EYA1: variants seen among roughly 807,000 people sequenced by gnomAD.
EYA1 encodes EYA transcriptional coactivator and phosphatase 1, also known as protein phosphatase EYA1.
In EYA1, 16 loss-of-function variants were observed where a neutral mutation model predicts 82.0. That is an observed-to-expected ratio of 0.20 (90% CI 0.13 to 0.30). EYA1 has a LOEUF of 0.30. Among genes scored for constraint, EYA1 ranks in the 10% least tolerant of loss-of-function variants. The pLI, the probability that EYA1 is intolerant of heterozygous loss-of-function variation, is 1.00. For synonymous variants in EYA1, 261 were observed against 264.4 expected (o/e 0.99, Z 0.12); for missense variants, 633 against 730.7 (o/e 0.87, Z 1.54).
At chr8:71,290,963 T>C (rs140664482) in intron 9 of EYA1, among the ~76,000 whole-genome samples, 2 of 152,340 alleles carry the variant, frequency 1.3e-5, no homozygotes, top group African/African-American at 2.4e-5. Context: ...TTAGTTAAAA[T>C]TGTTTTGCTG....
intron 1 of EYA1, among the ~76,000 whole-genome samples, chr8:71,537,967 G>T (rs1326427553): frequency 6.6e-6 from 1 of 152,202 alleles, no homozygotes; most frequent in Non-Finnish European, 1.5e-5. Context: ...AAAACAGTCA[G>T]CATTCATCGA....
rs543126669 is a variant in EYA1 at position 71,377,631 on chromosome 8, C to T, written c.34-21120G>A. On this transcript the variant is annotated intron_variant, in intron 2 of 18. Transcript: ENST00000643681. ...ATTTTACACATTTTTAAGCATGCAG[C>T]TCTGTGTCATGAAATACACTCACAT... Among the ~76,000 whole-genome samples, 8 of 152,254 alleles carry T rather than the reference C, an allele frequency of 5.3e-5. No homozygotes were observed. The South Asian group carries it at 1.2e-3, about 24-fold the overall frequency.
At chr8:71,250,876 G>A (rs1308712273) in intron 11 of EYA1, among the ~76,000 whole-genome samples, 1 of 152,128 alleles carries the variant, frequency 6.6e-6, no homozygotes, top group Non-Finnish European at 1.5e-5. Context: ...TAATTCCAGT[G>A]AAGAAAAGAA....
intron 2 of EYA1, among the ~76,000 whole-genome samples, chr8:71,460,669 A>T (rs1481572788): frequency 6.6e-6 from 1 of 152,230 alleles, no homozygotes; most frequent in Non-Finnish European, 1.5e-5. Flanking sequence ...AGTGTTTCAA[A>T]AAGTGCACAT....
At chr8:71,512,450 C>T (rs1180506978) in intron 2 of EYA1, among the ~76,000 whole-genome samples, 1 of 149,956 alleles carries the variant, frequency 6.7e-6, no homozygotes, top group Admixed American at 6.6e-5. Flanking sequence ...TGATAAAAAG[C>T]GAGCAAGCAA....
chr8:71,362,839 T>C (rs1827516884), upstream of EYA1, among the ~76,000 whole-genome samples: 1 of 152,196 alleles, frequency 6.6e-6, no homozygotes, highest in Non-Finnish European at 1.5e-5. Context: ...TCTATAACAC[T>C]CACCTAAAGA....
intron 6 of EYA1, among the ~76,000 whole-genome samples, chr8:71,319,281 C>T (rs181266440): frequency 1.5e-3 from 224 of 152,208 alleles, no homozygotes; most frequent in African/African-American, 4.9e-3. Context: ...CAGGCACCCG[C>T]CACCACGCCT....
Position 71,269,839 on chromosome 8 carries a change from C to T in EYA1, c.967-16G>A, listed in dbSNP as rs886161339. The T allele has an allele frequency of 1.2e-6, 2 of 1,600,240 alleles. No homozygotes were observed. Among genetic ancestry groups the T allele is most frequent in the Non-Finnish European group, 1.7e-6 (2 of 1,167,736 alleles). On this transcript the variant is annotated splice_polypyrimidine_tract_variant and intron_variant, in intron 10 of 17. Transcript: ENST00000340726. ...TGAACACTCTCTACAAAGGAAGAAC[C>T]AAATCAATGTGTCTTTGCCTTGGCT...
At chr8:71,502,684 C>T (rs969527567) in intron 2 of EYA1, among the ~76,000 whole-genome samples, 7 of 152,250 alleles carry the variant, frequency 4.6e-5, no homozygotes, top group East Asian at 1.9e-4. Context: ...GAACTTATCA[C>T]GCTACAGATA....
chr8:71,213,424 A>G (rs1585799697), intron 16 of EYA1, among the ~76,000 whole-genome samples: 2 of 152,238 alleles, frequency 1.3e-5, no homozygotes. Flanking sequence ...TTACAACACA[A>G]TATAATTATA....
At chr8:71,536,703 T>C (rs988488740) in intron 1 of EYA1, among the ~76,000 whole-genome samples, 1 of 152,176 alleles carries the variant, frequency 6.6e-6, no homozygotes, top group African/African-American at 2.4e-5. Flanking sequence ...AAGAGTAAAA[T>C]GCAATCTTAG....
At chr8:71,242,861 T>G (rs953629263) in intron 12 of EYA1, among the ~76,000 whole-genome samples, 1 of 148,938 alleles carries the variant, frequency 6.7e-6, no homozygotes, top group African/African-American at 2.5e-5. Flanking sequence ...CATCGTAACC[T>G]CTGCCTCCCG....
chr8:71,395,121 T>C (rs1047515442), intron 2 of EYA1, among the ~76,000 whole-genome samples: 18 of 152,292 alleles, frequency 1.2e-4, no homozygotes, highest in Non-Finnish European at 2.2e-4. Flanking sequence ...AGAATGCTTG[T>C]GATTTTTGCA....
intron 16 of EYA1, among the ~76,000 whole-genome samples, chr8:71,211,479 AT>A (rs1808503758): frequency 6.6e-6 from 1 of 152,228 alleles, no homozygotes; most frequent in African/African-American, 2.4e-5. Flanking sequence ...TTGGAAATTG[AT>A]AGTTAAATAC....
chr8:71,306,182 G>A (rs1477160036), intron 7 of EYA1, among the ~76,000 whole-genome samples: 1 of 152,184 alleles, frequency 6.6e-6, no homozygotes, highest in East Asian at 1.9e-4. Flanking sequence ...GAAAGCACAT[G>A]CTTCCCCAAA....
At chr8:71,462,649 CCA>C (rs879889880) in intron 2 of EYA1, among the ~76,000 whole-genome samples, 2 of 152,186 alleles carry the variant, frequency 1.3e-5, no homozygotes, top group Non-Finnish European at 2.9e-5. Flanking sequence ...GAGTGCAGTA[CCA>C]CCCCAGGCCC....
chr8:71,515,130 A>C (rs758076769), intron 2 of EYA1, among the ~76,000 whole-genome samples: 4 of 152,116 alleles, frequency 2.6e-5, no homozygotes, highest in Non-Finnish European at 5.9e-5. Context: ...ATCATCTTGA[A>C]AGAAAGAGAC....
rs184614087 is a variant in EYA1, at chr8:71,249,541, A to T, written c.1051-4849T>A. 3.3e-5 allele frequency among the ~76,000 whole-genome samples: 5 copies of T among 152,176 alleles called. No individual in the cohort carries two copies. In the East Asian group the frequency reaches 7.8e-4, roughly 24 times the overall value. Reference sequence around the variant, plus strand: ...AGGTAACCATCCCCATGATTCAATTATCTCCCACTGGGTCCCTCCCATGAC... The same window carrying T: ...AGGTAACCATCCCCATGATTCAATTTTCTCCCACTGGGTCCCTCCCATGAC... On this transcript the variant is annotated intron_variant, in intron 11 of 17. Coordinates refer to ENST00000340726, the MANE Select transcript of EYA1 (RefSeq NM_000503.6).
intron 2 of EYA1, among the ~76,000 whole-genome samples, chr8:71,382,038 AT>A (rs1464192481): frequency 2.0e-5 from 3 of 152,158 alleles, no homozygotes; most frequent in Admixed American, 2.0e-4. Context: ...AACCATCCTT[AT>A]TTTTACTAAT....
Sources: gnomAD v4.1 joint callset for allele counts (sites outside exome capture counted in the v4.1 genomes callset) on GRCh38, gnomAD v4.1.1 for gene constraint, MANE v1.5 for transcripts, NCBI Gene and HGNC (gene_info 2026-07-23, HGNC 2026-07-21) for gene names.